KANSL1: variants seen among roughly 807,000 people sequenced by gnomAD.
The protein encoded by KANSL1 is MLL1/MLL complex subunit KANSL1.
KANSL1 carries 22 observed loss-of-function variants against 103.6 expected under a neutral mutation model. The ratio of observed to expected loss-of-function variants is 0.21; its 90% CI spans 0.15 to 0.30. The LOEUF is 0.30. Among genes scored for constraint, KANSL1 ranks in the 10% least tolerant of loss-of-function variants. The pLI is 1.00. For synonymous variants in KANSL1, 600 were observed against 527.6 expected (o/e 1.14, Z -1.88); for missense variants, 1,337 against 1,399.8 (o/e 0.96, Z 0.72).
At chr17:46,091,602 T>C (rs1568437473) in intron 3 of KANSL1, among the ~76,000 whole-genome samples, 1 of 152,210 alleles carries the variant, frequency 6.6e-6, no homozygotes, top group Non-Finnish European at 1.5e-5. Context: ...GTACCATTTT[T>C]ATCTTTTCTA....
At chr17:46,218,900 C>T (rs1485241595) in intron 1 of KANSL1, among the ~76,000 whole-genome samples, 1 of 152,170 alleles carries the variant, frequency 6.6e-6, no homozygotes, top group East Asian at 1.9e-4. Flanking sequence ...GTTATTATTT[C>T]CAGTATGAAG....
At chr17:46,118,296 A>C (rs985470090) in intron 2 of KANSL1, among the ~76,000 whole-genome samples, 9 of 152,270 alleles carry the variant, frequency 5.9e-5, no homozygotes, top group African/African-American at 2.2e-4. Flanking sequence ...GCACACAAAC[A>C]CAAGATCTGC....
At chr17:46,148,101 G>A (rs1439580181) in intron 2 of KANSL1, 4 of 152,216 alleles carry the variant, frequency 2.6e-5, no homozygotes, top group Non-Finnish European at 5.9e-5. Context: ...TTAGCACACA[G>A]TTTTGACACA....
At chr17:46,097,209 C>G (rs563675492) in intron 2 of KANSL1, among the ~76,000 whole-genome samples, 35 of 152,304 alleles carry the variant, frequency 2.3e-4, no homozygotes, top group Admixed American at 2.0e-3. Flanking sequence ...TAAACGACAT[C>G]TGTATGTATC....
intron 3 of KANSL1, among the ~76,000 whole-genome samples, chr17:46,087,714 A>C (rs1424706635): frequency 6.6e-6 from 1 of 152,180 alleles, no homozygotes; most frequent in Non-Finnish European, 1.5e-5. Context: ...AAATATATTT[A>C]ATATATTTTG....
At chr17:46,031,783 G>A (rs2077015681) in intron 14 of KANSL1, 80 bp from the exon 15 acceptor site, 1 of 1,338,276 alleles carries the variant, frequency 7.5e-7, no homozygotes, top group South Asian at 1.4e-5. Context: ...CACAAACCTT[G>A]TGGCCTGGAG....
intron 6 of KANSL1, among the ~76,000 whole-genome samples, chr17:46,063,192 T>G (rs1475631789): frequency 2.6e-5 from 4 of 152,254 alleles, no homozygotes; most frequent in African/African-American, 9.6e-5. Context: ...TACTCTGTAC[T>G]CACAATAACT....
chr17:46,161,224 C>CT (rs887588236), intron 2 of KANSL1, among the ~76,000 whole-genome samples: 4 of 134,304 alleles, frequency 3.0e-5, no homozygotes, highest in Non-Finnish European at 4.5e-5. Flanking sequence ...ACCATCCTGG[C>CT]TAACATGATG....
At chr17:46,199,533 A>C (rs533652722) in intron 1 of KANSL1, among the ~76,000 whole-genome samples, 90 of 152,360 alleles carry the variant, frequency 5.9e-4, no homozygotes, top group Non-Finnish European at 1.5e-5. Flanking sequence ...GATTAAACAA[A>C]AGCATTTCAT....
chr17:46,123,145 G>C (rs536118956), intron 2 of KANSL1, among the ~76,000 whole-genome samples: 1 of 152,364 alleles, frequency 6.6e-6, no homozygotes, highest in East Asian at 1.9e-4. Flanking sequence ...GGGAGGCGGC[G>C]GCAGGCGGAT....
intron 2 of KANSL1, among the ~76,000 whole-genome samples, chr17:46,157,115 G>A (rs1272339942): frequency 6.6e-6 from 1 of 152,132 alleles, no homozygotes; most frequent in African/African-American, 2.4e-5. Context: ...TTCTCTGCTC[G>A]GAAAATTCTG....
At chr17:46,065,480 C>T (rs1488501539) in intron 6 of KANSL1, among the ~76,000 whole-genome samples, 2 of 152,134 alleles carry the variant, frequency 1.3e-5, no homozygotes, top group Non-Finnish European at 2.9e-5. Context: ...GTAACAATAA[C>T]AGCCACTTTG....
chr17:46,157,135 T>C (rs2045474725), intron 2 of KANSL1, among the ~76,000 whole-genome samples: 1 of 152,240 alleles, frequency 6.6e-6, no homozygotes, highest in South Asian at 2.1e-4. Context: ...GGAACCCCTT[T>C]TCTAGGACTG....
intron 4 of KANSL1, among the ~76,000 whole-genome samples, chr17:46,076,104 A>G (rs2078756998): frequency 6.6e-6 from 1 of 152,248 alleles, no homozygotes; most frequent in African/African-American, 2.4e-5. Context: ...TGTTAAAAGC[A>G]AATTATAAAT....
At chr17:46,062,095 AAAAAAAAAAAAAAACAAACAAAC>A (rs2078182014) in intron 6 of KANSL1, among the ~76,000 whole-genome samples, 2 of 59,558 alleles carry the variant, frequency 3.4e-5, no homozygotes, top group African/African-American at 1.1e-4. Flanking sequence ...CCGACTCAAA[AAAAAAAAAAAAAAACAAACAAAC>A]AAAAAAAAAA....
intron 2 of KANSL1, among the ~76,000 whole-genome samples, chr17:46,153,742 C>T (rs932749267): frequency 3.3e-5 from 5 of 151,950 alleles, no homozygotes; most frequent in Admixed American, 3.3e-4. Flanking sequence ...ATGAGAAGCA[C>T]CAAAAAAATA....
intron 2 of KANSL1, among the ~76,000 whole-genome samples, chr17:46,095,585 T>C (rs907338535): frequency 2.0e-5 from 3 of 152,232 alleles, no homozygotes; most frequent in Admixed American, 6.5e-5. Flanking sequence ...TTCTTCATGA[T>C]ATAATTACAA....
intron 4 of KANSL1, among the ~76,000 whole-genome samples, chr17:46,071,642 C>T (rs2078581122): frequency 6.6e-6 from 1 of 152,212 alleles, no homozygotes; most frequent in East Asian, 1.9e-4. Flanking sequence ...CAGCTTATTA[C>T]TACTGCAGTG....
intron 4 of KANSL1, among the ~76,000 whole-genome samples, chr17:46,069,936 G>C (rs1020471577): frequency 7.3e-5 from 11 of 151,392 alleles, no homozygotes; most frequent in African/African-American, 2.7e-4. Flanking sequence ...CATCTACTAA[G>C]ATATCACAAA....
Sources: gnomAD v4.1 joint callset for allele counts (sites outside exome capture counted in the v4.1 genomes callset) on GRCh38, gnomAD v4.1.1 for gene constraint, MANE v1.5 for transcripts, NCBI Gene and HGNC (gene_info 2026-07-23, HGNC 2026-07-21) for gene names.